The following EEFSEC variants were observed in gnomAD, a reference collection of about 807,000 sequenced individuals.
The protein encoded by EEFSEC is selenocysteine-specific elongation factor.
In EEFSEC, 43 loss-of-function variants were observed where a neutral mutation model predicts 42.1. The ratio of observed to expected loss-of-function variants is 1.02; its 90% confidence interval spans 0.80 to 1.32. The LOEUF is 1.32. EEFSEC is among the 40% of genes most tolerant of loss of function. The probability of loss-of-function intolerance (pLI) is 0.00; values close to 1 mark genes in which losing one functional copy is unlikely to be tolerated. For missense variants in EEFSEC, 745 were observed against 803.6 expected (o/e 0.93, Z 0.88); for synonymous variants, 354 against 339.1 (o/e 1.04, Z -0.48).
chr3:128,283,383 A>G (rs2066549837), intron 4 of EEFSEC, among the ~76,000 whole-genome samples: 1 of 152,238 alleles, frequency 6.6e-6, no homozygotes, highest in Non-Finnish European at 1.5e-5. Context: ...ACTTGCTTCC[A>G]CAAGTGAAAA....
intron 2 of EEFSEC, among the ~76,000 whole-genome samples, chr3:128,248,483 T>G (rs2066150715): frequency 6.6e-6 from 1 of 152,226 alleles, no homozygotes; most frequent in Non-Finnish European, 1.5e-5. Context: ...GTTAGCAAAA[T>G]TCATCAATCC....
intron 5 of EEFSEC, among the ~76,000 whole-genome samples, chr3:128,346,074 A>C (rs1172988308): frequency 6.6e-6 from 1 of 152,240 alleles, no homozygotes; most frequent in Non-Finnish European, 1.5e-5. Flanking sequence ...AAGCCTCTGC[A>C]GACTGTGTTT....
At chr3:128,200,432 G>A (rs1195142066) in intron 1 of EEFSEC, among the ~76,000 whole-genome samples, 1 of 152,234 alleles carries the variant, frequency 6.6e-6, no homozygotes, top group Non-Finnish European at 1.5e-5. Flanking sequence ...GGGATTACAG[G>A]CATGTGCCAC....
rs114541767 is a variant in EEFSEC, at chr3:128,286,422, G to A, written c.786+21641G>A. Among the ~76,000 whole-genome samples the A allele has an allele frequency of 5.4e-3, 825 of 152,348 alleles. 8 individuals are homozygous for A. Among genetic ancestry groups the A allele is most frequent in the African/African-American group, 0.019 (782 of 41,580 alleles). ...TGGAATTCTTCCTTACAGGAGACTTGTCTCTTCTCCCAGTTTATTAACTCA... is the reference window on the plus strand; with the variant it reads ...TGGAATTCTTCCTTACAGGAGACTTATCTCTTCTCCCAGTTTATTAACTCA... On this transcript the variant is annotated intron_variant, in intron 4 of 6. Transcript: ENST00000254730.
intron 6 of EEFSEC, among the ~76,000 whole-genome samples, chr3:128,399,977 C>T (rs1004306891): frequency 6.6e-6 from 1 of 152,074 alleles, no homozygotes; most frequent in East Asian, 1.9e-4. Context: ...CCTGGCTGGC[C>T]GCTGATAGAT....
rs769756990 is a variant in EEFSEC, at chr3:128,341,655, G to A, written c.1209G>A (p.Glu403=). 2 of 1,614,110 alleles carry A rather than the reference G, an allele frequency of 1.2e-6. No homozygotes were observed. Among genetic ancestry groups the A allele is most frequent in the Non-Finnish European group, 1.7e-6 (2 of 1,180,036 alleles). Residue 403 remains glutamate, a synonymous_variant, in exon 5 of 7, where the codon GAG becomes GAA. Transcript: ENST00000254730. ...EADKKAGQAT[E]GHCPRQQWAL... ...ACAAGAAGGCCGGCCAGGCCACAGA[G>A]GGCCATTGTCCTCGGCAGCAGTGGG...
In EEFSEC at chr3:128,341,905, C is replaced by T. The variant is rs536540678; in HGVS notation, c.1443+16C>T. On this transcript the variant is annotated intron_variant, in intron 5 of 6. Coordinates refer to ENST00000254730, the MANE Select transcript of EEFSEC (RefSeq NM_021937.5). ...TGTGGAGCGGGTGAGCATGCCCTTG[C>T]CTGGCCCCACACCCCTTCCCTTCTT... 41 of 1,604,936 alleles carry T rather than the reference C, an allele frequency of 2.6e-5. No individual in the cohort carries two copies. The East Asian group carries it at 8.3e-4, about 32-fold the overall frequency.
chr3:128,281,377 T>C (rs2066524098), intron 4 of EEFSEC, among the ~76,000 whole-genome samples: 1 of 152,058 alleles, frequency 6.6e-6, no homozygotes, highest in South Asian at 2.1e-4. Flanking sequence ...TTAGCTGAGA[T>C]TTGGGGTCTT....
chr3:128,356,634 T>C (rs1016192929), intron 5 of EEFSEC, among the ~76,000 whole-genome samples: 2 of 152,244 alleles, frequency 1.3e-5, no homozygotes, highest in Admixed American at 6.5e-5. Context: ...GATGCATTCA[T>C]GTATTTCAGT....
intron 4 of EEFSEC, among the ~76,000 whole-genome samples, chr3:128,289,859 T>C (rs1251740594): frequency 6.6e-6 from 1 of 152,252 alleles, no homozygotes; most frequent in Non-Finnish European, 1.5e-5. Context: ...CACCTTTTAA[T>C]GTGTGGATTG....
chr3:128,218,998 C>T (rs985415843), intron 1 of EEFSEC, among the ~76,000 whole-genome samples: 2 of 152,186 alleles, frequency 1.3e-5, no homozygotes, highest in African/African-American at 4.8e-5. Context: ...AGGAAGCTCA[C>T]GGTGCAGTGG....
At chr3:128,262,531 C>A (rs1169747368) in intron 3 of EEFSEC, among the ~76,000 whole-genome samples, 1 of 152,182 alleles carries the variant, frequency 6.6e-6, no homozygotes, top group South Asian at 2.1e-4. Flanking sequence ...TACACTCAGA[C>A]AAAGCAGCTC....
At chr3:128,340,264 G>A (rs1038126323) in intron 4 of EEFSEC, among the ~76,000 whole-genome samples, 12 of 151,944 alleles carry the variant, frequency 7.9e-5, no homozygotes, top group South Asian at 2.1e-4. Context: ...TCACTTCTTC[G>A]AGACCTTTAC....
intron 1 of EEFSEC, among the ~76,000 whole-genome samples, chr3:128,218,783 C>G (rs2065835429): frequency 6.6e-6 from 1 of 152,212 alleles, no homozygotes; most frequent in African/African-American, 2.4e-5. Flanking sequence ...ATTTGCAACT[C>G]TTAGCTTATT....
intron 4 of EEFSEC, among the ~76,000 whole-genome samples, chr3:128,331,944 A>G (rs1031635926): frequency 6.6e-6 from 1 of 152,204 alleles, no homozygotes; most frequent in African/African-American, 2.4e-5. Context: ...CCAGATATCT[A>G]TGCTAGAAAA....
chr3:128,348,746 G>A (rs1330078232), intron 5 of EEFSEC, among the ~76,000 whole-genome samples: 1 of 152,196 alleles, frequency 6.6e-6, no homozygotes, highest in Admixed American at 6.5e-5. Flanking sequence ...CAAAAATGAT[G>A]TGGGGTGAAG....
intron 2 of EEFSEC, among the ~76,000 whole-genome samples, chr3:128,251,991 T>G (rs949362518): frequency 2.0e-5 from 3 of 152,204 alleles, no homozygotes; most frequent in Admixed American, 6.5e-5. Context: ...TGTACATAAT[T>G]TGAGGTAGTT....
chr3:128,166,937 G>A (rs1193257033), intron 1 of EEFSEC, among the ~76,000 whole-genome samples: 2 of 152,188 alleles, frequency 1.3e-5, no homozygotes, highest in African/African-American at 4.8e-5. Flanking sequence ...ATAGAAGAGA[G>A]TTTAAAAACT....
intron 6 of EEFSEC, among the ~76,000 whole-genome samples, chr3:128,405,604 G>C (rs549009828): frequency 1.0e-3 from 153 of 152,368 alleles, no homozygotes; most frequent in Non-Finnish European, 2.0e-3. Flanking sequence ...AGCCCCGCCA[G>C]CCAGCGCTCC....
Sources: allele counts gnomAD v4.1 joint callset (sites outside exome capture counted in the v4.1 genomes callset), GRCh38; gene constraint gnomAD v4.1.1; transcripts MANE v1.5; gene names NCBI Gene and HGNC (gene_info 2026-07-23, HGNC 2026-07-21).